PDE4A: variants seen among roughly 807,000 people sequenced by gnomAD.
PDE4A encodes the protein phosphodiesterase 4A, also known as 3',5'-cyclic-AMP phosphodiesterase 4A.
PDE4A carries 21 observed loss-of-function variants against 73.9 expected under a neutral mutation model. That is an observed-to-expected ratio of 0.28 (90% CI 0.20 to 0.41). PDE4A has a LOEUF of 0.41. Ranked by LOEUF, PDE4A falls within the 10% of genes least tolerant of loss-of-function variation. The probability of loss-of-function intolerance (pLI) is 1.00; values close to 1 mark genes in which losing one functional copy is unlikely to be tolerated. For synonymous variants in PDE4A, 463 were observed against 505.4 expected (o/e 0.92, Z 1.13); for missense variants, 958 against 1,211.4 (o/e 0.79, Z 3.10).
At chr19:10,452,865 A>AACCCCC in intron 6 of PDE4A, 1 of 243,730 alleles carries the variant, frequency 4.1e-6, no homozygotes, top group Non-Finnish European at 6.6e-6. Flanking sequence ...CCCCTTTAAT[A>AACCCCC]CCCCCCCACC....
At chr19:10,457,360 C>G (rs1248039690) in intron 7 of PDE4A, among the ~76,000 whole-genome samples, 1 of 146,792 alleles carries the variant, frequency 6.8e-6, no homozygotes, top group Non-Finnish European at 1.5e-5. Flanking sequence ...TGGCTCAGCT[C>G]TGGAAGCCCC....
intron 10 of PDE4A, 103 bp downstream of exon 10, chr19:10,459,862 CTT>C (rs2043234218): frequency 1.6e-6 from 2 of 1,285,384 alleles, no homozygotes; most frequent in African/African-American, 3.0e-5. Context: ...CTCCATCTCT[CTT>C]TGACGCCATT....
chr19:10,445,443 C>T (rs1020892842), intron 1 of PDE4A, among the ~76,000 whole-genome samples: 7 of 152,128 alleles, frequency 4.6e-5, no homozygotes, highest in African/African-American at 4.8e-5. Context: ...CTGTGTCTCC[C>T]GTCTCTTTTA....
chr19:10,429,225 G>A (rs1489401953), intron 1 of PDE4A, among the ~76,000 whole-genome samples: 1 of 147,132 alleles, frequency 6.8e-6, no homozygotes, highest in African/African-American at 2.5e-5. Flanking sequence ...AAAAGGAAAA[G>A]AAAGAAAGAG....
In PDE4A at chr19:10,463,380, G is replaced by T. The variant is rs866367509; in HGVS notation, c.1744-413G>T. On this transcript the variant is annotated intron_variant, in intron 13 of 14. Transcript: ENST00000380702. ...GCTGTGATTACAGATGTGAGCCACCGCGCCCAGCCCCATTCTTTTTTTTTT... is the reference window on the plus strand; with the variant it reads ...GCTGTGATTACAGATGTGAGCCACCTCGCCCAGCCCCATTCTTTTTTTTTT... Among the ~76,000 whole-genome samples the T allele has an allele frequency of 2.0e-5, 3 of 147,560 alleles. No individual in the cohort carries two copies. In the Admixed American group the frequency reaches 2.0e-4, roughly 10 times the overall value.
Position 10,463,417 on chromosome 19 carries a change from T to C in PDE4A, c.1744-376T>C, listed in dbSNP as rs932832619. Reference sequence around the variant, plus strand: ...ATTCTTTTTTTTTTTTTTTTTTTTTTCTGAGATGGAGTCTCACTCTGTCGC... The same window carrying C: ...ATTCTTTTTTTTTTTTTTTTTTTTTCCTGAGATGGAGTCTCACTCTGTCGC... On this transcript the variant is annotated intron_variant, in intron 13 of 14. Transcript: ENST00000380702. Among the ~76,000 whole-genome samples, 20 of 125,336 alleles carry C rather than the reference T, an allele frequency of 1.6e-4. No individual in the cohort carries two copies. In the South Asian group the frequency reaches 4.4e-3, roughly 28 times the overall value. 82.2% of individuals were successfully genotyped at this position (125,336 alleles called of 152,430 possible).
At chr19:10,422,521 C>A (rs1020490100) in intron 1 of PDE4A, among the ~76,000 whole-genome samples, 4 of 152,150 alleles carry the variant, frequency 2.6e-5, no homozygotes, top group African/African-American at 9.7e-5. Flanking sequence ...TACCTGGATG[C>A]CCCACTGCTG....
chr19:10,460,644 A>T (rs1304069256), intron 10 of PDE4A, among the ~76,000 whole-genome samples: 2 of 151,980 alleles, frequency 1.3e-5, no homozygotes, highest in Non-Finnish European at 1.5e-5. Flanking sequence ...AAAATATTTT[A>T]AAAATTAGCC....
upstream of PDE4A, chr19:10,416,963 C>T: frequency 6.5e-7 from 1 of 1,545,220 alleles, no homozygotes; most frequent in Non-Finnish European, 8.7e-7. Context: ...GTCGCAGTGC[C>T]CTGTCCGTGG....
At chr19:10,446,126 G>T in intron 1 of PDE4A, 92 bp from the exon 2 acceptor site, 2 of 1,489,460 alleles carry the variant, frequency 1.3e-6, no homozygotes, top group Non-Finnish European at 9.0e-7. Context: ...GGCATTACAG[G>T]CGTGAGCCAC....
intron 1 of PDE4A, 189 bp downstream of exon 1, chr19:10,421,273 C>T (rs1389864176): frequency 5.1e-6 from 5 of 984,996 alleles, no homozygotes; most frequent in South Asian, 4.7e-5. Context: ...AGGCTTCCTG[C>T]TGAAGCCCAT....
intron 1 of PDE4A, among the ~76,000 whole-genome samples, chr19:10,425,026 T>C (rs1225497100): frequency 2.0e-5 from 3 of 152,014 alleles, no homozygotes; most frequent in African/African-American, 7.3e-5. Flanking sequence ...GAGTTCAAGA[T>C]CATCCTGGCC....
At chr19:10,455,187 G>A (rs2043151280) in intron 7 of PDE4A, among the ~76,000 whole-genome samples, 1 of 152,154 alleles carries the variant, frequency 6.6e-6, no homozygotes, top group Non-Finnish European at 1.5e-5. Flanking sequence ...CAAGCGCCGG[G>A]CGCGGTGGCT....
At chr19:10,430,648 G>A (rs1215685612) in intron 1 of PDE4A, among the ~76,000 whole-genome samples, 1 of 151,830 alleles carries the variant, frequency 6.6e-6, no homozygotes, top group Admixed American at 6.6e-5. Flanking sequence ...GTCTGCGGGA[G>A]AGTCCCCACC....
chr19:10,453,401 C>A lies in PDE4A; in HGVS notation c.784-1428C>A. The A allele has an allele frequency of 6.5e-7, 1 of 1,528,810 alleles. No homozygotes were observed. Among genetic ancestry groups the A allele is most frequent in the South Asian group, 1.2e-5 (1 of 82,678 alleles). The allele number at this position is 1,528,810 out of a possible 1,614,324, so 94.7% of individuals were successfully genotyped here. On this transcript the variant is annotated intron_variant, in intron 6 of 14. Coordinates refer to ENST00000380702, the MANE Select transcript of PDE4A (RefSeq NM_001111307.2). This position sits in a 1 kb window ranked among gnomAD's most constrained non-coding sequence, Gnocchi z 4.6. Reference sequence around the variant, plus strand: ...GGCCCCCGGTGTGGGCTTGTGTGTGCAGCTGTGCACGTGTGTGGCCTGGAG... The same window carrying A: ...GGCCCCCGGTGTGGGCTTGTGTGTGAAGCTGTGCACGTGTGTGGCCTGGAG...
chr19:10,440,167 T>C (rs1280756760), intron 1 of PDE4A, among the ~76,000 whole-genome samples: 1 of 151,884 alleles, frequency 6.6e-6, no homozygotes, highest in Admixed American at 6.6e-5. Flanking sequence ...GTATTTCTAG[T>C]AGAGACAGGG....
At chr19:10,446,595 T>C (rs1414626450) in intron 2 of PDE4A, among the ~76,000 whole-genome samples, 186 bp downstream of exon 2, 2 of 151,298 alleles carry the variant, frequency 1.3e-5, no homozygotes, top group South Asian at 2.1e-4. Context: ...TTTTTTTTTT[T>C]TTCTTTTTTT....
At position 10,446,422 on chromosome 19, in the gene PDE4A, C is replaced by G. The variant is rs1191970357; in HGVS notation, c.512+13C>G. ...TCACCAGCGAGGCGTGAGCATCCTT[C>G]TCCCCACATGCCAGTTCCCCCAGGC... On this transcript the variant is annotated intron_variant, in intron 2 of 14. Transcript: ENST00000380702. 2 of 1,600,314 alleles carry G rather than the reference C, an allele frequency of 1.2e-6. No homozygotes were observed. Among genetic ancestry groups the G allele is most frequent in the African/African-American group, 2.7e-5 (2 of 74,658 alleles).
chr19:10,450,706 T>A, intron 5 of PDE4A, 54 bp downstream of exon 5: 4 of 1,588,096 alleles, frequency 2.5e-6, no homozygotes, highest in Middle Eastern at 1.9e-4. Context: ...CCAGTGGGGG[T>A]CCCTCAGCCC....
Sources: gnomAD v4.1 joint callset for allele counts (sites outside exome capture counted in the v4.1 genomes callset) on GRCh38, gnomAD v4.1.1 for gene constraint, Gnocchi (gnomAD v3.1) non-coding constraint, MANE v1.5 for transcripts, NCBI Gene and HGNC (gene_info 2026-07-23, HGNC 2026-07-21) for gene names.